The following LIPG variants were observed in gnomAD, a reference collection of about 807,000 sequenced individuals.
LIPG encodes endothelial lipase.
A neutral mutation model predicts 51.8 loss-of-function variants in LIPG; 34 were observed. The ratio of observed to expected loss-of-function variants is 0.66; its 90% confidence interval spans 0.50 to 0.87. The LOEUF (loss-of-function observed/expected upper bound fraction) is 0.87. Ranked by LOEUF, LIPG falls within the 40% of genes least tolerant of loss-of-function variation. The probability of loss-of-function intolerance (pLI) is 0.00; values close to 1 mark genes in which losing one functional copy is unlikely to be tolerated. For synonymous variants in LIPG, 246 were observed against 246.1 expected (o/e 1.00, Z 0.00); for missense variants, 580 against 652.7 (o/e 0.89, Z 1.21).
chr18:49,578,232 G>A (rs371285820), intron 5 of LIPG, among the ~76,000 whole-genome samples: 123 of 142,536 alleles, frequency 8.6e-4, no homozygotes, highest in African/African-American at 2.9e-3. Context: ...CAGACGGGGC[G>A]GCTGCCGGGC....
intron 8 of LIPG, 53 bp from the exon 9 acceptor site, chr18:49,586,693 G>A (rs2084883326): frequency 1.5e-6 from 2 of 1,317,588 alleles, no homozygotes; most frequent in East Asian, 2.3e-5. Context: ...AGAAAGCACA[G>A]CTGGATTCCC....
intron 1 of LIPG, among the ~76,000 whole-genome samples, chr18:49,563,897 A>C (rs2084576374): frequency 6.6e-6 from 1 of 152,140 alleles, no homozygotes; most frequent in African/African-American, 2.4e-5. Flanking sequence ...CTGTCTCAGG[A>C]ATCCAGGAGA....
At position 49,595,310 on chromosome 18, in the gene LIPG, G is replaced by A. The variant is rs1433390311; in HGVS notation, c.*4788G>A. The A allele has an allele frequency of 1.3e-5, 2 of 152,194 alleles. No individual in the cohort carries two copies. Among genetic ancestry groups the A allele is most frequent in the Non-Finnish European group, 2.9e-5 (2 of 68,038 alleles). The allele number at this position is 152,194 out of a possible 1,614,324, so 9.4% of individuals were successfully genotyped here. ...AACTAGGTGCTTAAACAGGCAGGAGGTAATCTGGGAAAAGAGCAGTTAGTT... is the reference window on the plus strand; with the variant it reads ...AACTAGGTGCTTAAACAGGCAGGAGATAATCTGGGAAAAGAGCAGTTAGTT... On this transcript the variant is annotated 3_prime_UTR_variant, in exon 10 of 10. Transcript: ENST00000261292.
chr18:49,597,542 T>C lies in LIPG; in HGVS notation c.*7020T>C, dbSNP rs2084989242. 6.6e-6 allele frequency: 1 copy of C among 152,244 alleles called. No homozygotes were observed. The highest frequency in any genetic ancestry group is 2.1e-4 in the South Asian group (1 of 4,828). The allele number at this position is 152,244 out of a possible 1,614,324, so 9.4% of individuals were successfully genotyped here. On this transcript the variant is annotated 3_prime_UTR_variant, in exon 10 of 10. Coordinates refer to ENST00000261292, the MANE Select transcript of LIPG (RefSeq NM_006033.4). Reference sequence around the variant, plus strand: ...TTTCCTAAACCTTTGTGGTTATCCATACCATTTAACCTTGACTTTCCTTAA... The same window carrying C: ...TTTCCTAAACCTTTGTGGTTATCCACACCATTTAACCTTGACTTTCCTTAA...
intron 3 of LIPG, 88 bp downstream of exon 3, chr18:49,567,709 A>G: frequency 3.0e-6 from 4 of 1,347,508 alleles, no homozygotes; most frequent in South Asian, 1.3e-5. Flanking sequence ...ATCTGTTGCC[A>G]TGAACTTCTG....
rs34597464 is a variant in LIPG at position 49,576,457 on chromosome 18, CTTTTTTTT to C, written c.793+887_793+894del. 6.8e-4 allele frequency among the ~76,000 whole-genome samples: 35 copies of C among 51,518 alleles called. No individual in the cohort carries two copies. In the South Asian group the frequency reaches 8.4e-3, roughly 12 times the overall value. The allele number at this position is 51,518 out of a possible 152,430, so 33.8% of individuals were successfully genotyped here. On this transcript the variant is annotated intron_variant, in intron 5 of 9. Transcript: ENST00000261292. Reference sequence around the variant, plus strand: ...TCTTTTTTTAAAAGACAGAATCTTGCTTTTTTTTTTTTTTTTTTTTTTTTTTTGAGACG... The same window carrying C: ...TCTTTTTTTAAAAGACAGAATCTTGCTTTTTTTTTTTTTTTTTTTGAGACG...
chr18:49,564,374 C>T (rs1346003565), intron 1 of LIPG, among the ~76,000 whole-genome samples: 1 of 152,218 alleles, frequency 6.6e-6, no homozygotes, highest in African/African-American at 2.4e-5. Context: ...GTCATGATGA[C>T]AGCACCTACT....
At chr18:49,577,971 G>A (rs1446794795) in intron 5 of LIPG, among the ~76,000 whole-genome samples, 54 of 134,144 alleles carry the variant, frequency 4.0e-4, no homozygotes, top group Admixed American at 6.3e-4. Context: ...CGGGCAGGGG[G>A]CTGACCCCCC....
At chr18:49,581,300 T>C in intron 5 of LIPG, 115 bp from the exon 6 acceptor site, 1 of 1,428,400 alleles carries the variant, frequency 7.0e-7, no homozygotes, top group Non-Finnish European at 9.8e-7. Context: ...TACATGAAAA[T>C]ACTAACAGCA....
In LIPG at chr18:49,588,684, C is replaced by T. The variant is rs142322703; in HGVS notation, c.1482-1817C>T. Among the ~76,000 whole-genome samples the T allele has an allele frequency of 6.1e-3, 922 of 152,224 alleles. 9 individuals carry two copies. Among genetic ancestry groups the T allele is most frequent in the African/African-American group, 0.019 (778 of 41,536 alleles). ...GAGGGGTTGTCATGCTTCACTATCC[C>T]CTTGTCCCATGCTGCAATCCGTTAT... On this transcript the variant is annotated intron_variant, in intron 9 of 9. Coordinates refer to ENST00000261292, the MANE Select transcript of LIPG (RefSeq NM_006033.4).
chr18:49,585,420 A>T (rs991492051), intron 8 of LIPG, among the ~76,000 whole-genome samples: 6 of 152,220 alleles, frequency 3.9e-5, no homozygotes, highest in African/African-American at 1.4e-4. Flanking sequence ...ATGCTTCTGA[A>T]TTTTACATGA....
rs996588162 is a variant in LIPG at position 49,595,417 on chromosome 18, A to G, written c.*4895A>G. The G allele has an allele frequency of 6.6e-6, 1 of 152,238 alleles. No individual in the cohort carries two copies. The highest frequency in any genetic ancestry group is 2.4e-5 in the African/African-American group (1 of 41,470). 9.4% of individuals were successfully genotyped at this position (152,238 alleles called of 1,614,324 possible). On this transcript the variant is annotated 3_prime_UTR_variant, in exon 10 of 10. Coordinates refer to ENST00000261292, the MANE Select transcript of LIPG (RefSeq NM_006033.4). ...AGCCTTTCTGAGTCTCTATCTGCTC[A>G]TTTAAGAAACAGAGACAATACTGCT...
chr18:49,590,207 G>A (rs1307616831), intron 9 of LIPG: 1 of 492,998 alleles, frequency 2.0e-6, no homozygotes, highest in South Asian at 1.9e-5. Flanking sequence ...GTGTGTGTGT[G>A]TATGTTGTGG....
chr18:49,563,830 A>C (rs139764316), intron 1 of LIPG, among the ~76,000 whole-genome samples: 1 of 152,282 alleles, frequency 6.6e-6, no homozygotes, highest in African/African-American at 2.4e-5. Flanking sequence ...TTGGGGTCAG[A>C]GCAGGTCAGA....
rs144341306 is a variant in LIPG, at chr18:49,567,447, C to G, written c.285C>G (p.Ser95Arg). The stretch of plus-strand genomic sequence containing the variant: ...ACTTCCACTTTTCTCTGCAGATGAG[C>G]GGTATCTTTGAAAACTGGCTGCACA... ...TFFIIHGWTM[S>R]GIFENWLHKL... The change falls in exon 3 of 10, where the codon AGC becomes AGG. Residue 95 changes from serine (S) to arginine (R), a missense_variant. Transcript: ENST00000261292. 44 of 1,613,788 alleles carry G rather than the reference C, an allele frequency of 2.7e-5. 1 individual carries two copies. In the Admixed American group the frequency reaches 4.7e-4, roughly 17 times the overall value.
intron 5 of LIPG, among the ~76,000 whole-genome samples, chr18:49,579,743 T>TCCTTTCCTTTCCTTTC (rs1555778414): frequency 7.6e-6 from 1 of 131,078 alleles, no homozygotes; most frequent in African/African-American, 3.5e-5. Flanking sequence ...TGATGGCCTT[T>TCCTTTCCTTTCCTTTC]CTTTCCTTTC....
In LIPG at chr18:49,594,735, G is replaced by T. The variant is rs2084972519; in HGVS notation, c.*4213G>T. 1 of 152,188 alleles carries T rather than the reference G, an allele frequency of 6.6e-6. No homozygotes were observed. The highest frequency in any genetic ancestry group is 1.5e-5 in the Non-Finnish European group (1 of 68,038). The allele number at this position is 152,188 out of a possible 1,614,324, so 9.4% of individuals were successfully genotyped here. The stretch of plus-strand genomic sequence containing the variant: ...AAATGACAAGGAAGCTCTTTATAAA[G>T]GGCTTTAGTGATGGTGGAAACTCCA... On this transcript the variant is annotated 3_prime_UTR_variant, in exon 10 of 10. Coordinates refer to ENST00000261292, the MANE Select transcript of LIPG (RefSeq NM_006033.4).
At chr18:49,588,543 G>T (rs2084908611) in intron 9 of LIPG, among the ~76,000 whole-genome samples, 1 of 152,116 alleles carries the variant, frequency 6.6e-6, no homozygotes, top group Non-Finnish European at 1.5e-5. Context: ...CAAGTGATCT[G>T]CCCACCTTGG....
In LIPG at chr18:49,583,712, C is replaced by T; in HGVS notation, c.1314C>T (p.Arg438=). 1.2e-6 allele frequency: 2 copies of T among 1,614,162 alleles called. No individual in the cohort carries two copies. The highest frequency in any genetic ancestry group is 1.7e-6 in the Non-Finnish European group (2 of 1,180,034). The change falls in exon 8 of 10, where the codon CGC becomes CGT. Residue 438 remains arginine, a synonymous_variant. Coordinates refer to ENST00000261292, the MANE Select transcript of LIPG (RefSeq NM_006033.4). ...TTCGCAGCTACCTGTCTCAACCCCG[C>T]AACCCCGGACGGGAGCTGAATATCA... The part of the protein sequence containing the change: ...KEFRSYLSQP[R]NPGRELNIRR...
Sources: allele counts gnomAD v4.1 joint callset (sites outside exome capture counted in the v4.1 genomes callset), GRCh38; gene constraint gnomAD v4.1.1; transcripts MANE v1.5; gene names NCBI Gene and HGNC (gene_info 2026-07-23, HGNC 2026-07-21).